GRID2: variants seen among roughly 807,000 people sequenced by gnomAD.
The protein encoded by GRID2 is glutamate ionotropic receptor delta type subunit 2.
A neutral mutation model predicts 114.8 loss-of-function variants in GRID2; 33 were observed. The observed-to-expected ratio is 0.29, with a 90% CI of 0.22 to 0.38. The LOEUF (loss-of-function observed/expected upper bound fraction) is 0.38. Ranked by LOEUF, GRID2 falls within the 10% of genes least tolerant of loss-of-function variation. The probability of loss-of-function intolerance (pLI) is 1.00; values close to 1 mark genes in which losing one functional copy is unlikely to be tolerated. For synonymous variants in GRID2, 505 were observed against 449.9 expected (o/e 1.12, Z -1.55); for missense variants, 1,184 against 1,257.7 (o/e 0.94, Z 0.89).
intron 8 of GRID2, among the ~76,000 whole-genome samples, chr4:93,365,162 G>T (rs1011582035): frequency 6.6e-6 from 1 of 152,048 alleles, no homozygotes; most frequent in African/African-American, 2.4e-5. Context: ...ATTTATGTGA[G>T]GTATGTACTA....
chr4:93,177,106 A>C (rs565836889), intron 4 of GRID2, among the ~76,000 whole-genome samples: 7 of 152,172 alleles, frequency 4.6e-5, no homozygotes, highest in Non-Finnish European at 8.8e-5. Context: ...GTTAGTGTGT[A>C]GTGTGCAAGA....
intron 13 of GRID2, among the ~76,000 whole-genome samples, chr4:93,518,127 A>G (rs1729990484): frequency 6.6e-6 from 1 of 150,880 alleles, no homozygotes; most frequent in Admixed American, 6.6e-5. Context: ...GCCTTCCAGG[A>G]AGGCCTGCAT....
intron 2 of GRID2, among the ~76,000 whole-genome samples, chr4:92,767,356 G>A (rs916848733): frequency 2.0e-5 from 3 of 152,154 alleles, no homozygotes; most frequent in Non-Finnish European, 4.4e-5. Flanking sequence ...CACTGTACTT[G>A]TGTGTCTGTT....
At chr4:92,843,800 G>C (rs1267101658) in intron 2 of GRID2, among the ~76,000 whole-genome samples, 2 of 152,068 alleles carry the variant, frequency 1.3e-5, no homozygotes, top group Non-Finnish European at 2.9e-5. Flanking sequence ...TCAACAAGTA[G>C]TTTAAGTTTT....
intron 10 of GRID2, among the ~76,000 whole-genome samples, chr4:93,448,223 T>G (rs779190743): frequency 6.6e-6 from 1 of 151,950 alleles, no homozygotes; most frequent in Non-Finnish European, 1.5e-5. Context: ...AGATTTTATT[T>G]AAAATTTTCA....
intron 4 of GRID2, among the ~76,000 whole-genome samples, chr4:93,199,086 T>A (rs1741808322): frequency 6.6e-6 from 1 of 152,128 alleles, no homozygotes; most frequent in Non-Finnish European, 1.5e-5. Context: ...GTTACCATAT[T>A]AGCATATGGT....
At chr4:93,151,413 T>C in intron 4 of GRID2, among the ~76,000 whole-genome samples, 1 of 151,838 alleles carries the variant, frequency 6.6e-6, no homozygotes, top group East Asian at 2.0e-4. Flanking sequence ...ATGAAGGCAT[T>C]TAACTTTAAT....
intron 1 of GRID2, among the ~76,000 whole-genome samples, chr4:92,408,328 C>T (rs1285442844): frequency 6.7e-6 from 1 of 149,870 alleles, no homozygotes; most frequent in Non-Finnish European, 1.5e-5. Flanking sequence ...CCATACCATG[C>T]TGTTATGGTT....
chr4:92,767,104 T>C (rs1456624672), intron 2 of GRID2, among the ~76,000 whole-genome samples: 1 of 152,186 alleles, frequency 6.6e-6, no homozygotes, highest in Non-Finnish European at 1.5e-5. Context: ...AATCTCACCC[T>C]TTTAAAGCAC....
chr4:93,328,986 G>A (rs1758150426), intron 8 of GRID2, among the ~76,000 whole-genome samples: 4 of 152,172 alleles, frequency 2.6e-5, no homozygotes, highest in African/African-American at 9.6e-5. Flanking sequence ...TGCAGTTTTA[G>A]TACCTACTAT....
chr4:92,493,127 C>CAAAAAAAA (rs1043809824), intron 1 of GRID2, among the ~76,000 whole-genome samples: 1 of 48,478 alleles, frequency 2.1e-5, no homozygotes. Context: ...GACTCCATCT[C>CAAAAAAAA]AAAAAAAAAA....
chr4:93,406,347 T>C (rs1423095834), intron 9 of GRID2, among the ~76,000 whole-genome samples: 1 of 152,146 alleles, frequency 6.6e-6, no homozygotes, highest in Non-Finnish European at 1.5e-5. Flanking sequence ...AAAGTATGGA[T>C]CCAAAACAGA....
intron 2 of GRID2, among the ~76,000 whole-genome samples, chr4:92,640,596 G>C (rs1292793552): frequency 1.3e-5 from 2 of 151,750 alleles, no homozygotes; most frequent in Non-Finnish European, 2.9e-5. Context: ...CTGATAACTA[G>C]GTAATTAAGT....
chr4:93,212,559 G>A, intron 5 of GRID2, among the ~76,000 whole-genome samples: 1 of 152,082 alleles, frequency 6.6e-6, no homozygotes, highest in East Asian at 1.9e-4. Context: ...ACAAAAGTTA[G>A]AAATTCAGAT....
chr4:93,377,799 T>C (rs1763505675), intron 8 of GRID2, among the ~76,000 whole-genome samples: 1 of 152,098 alleles, frequency 6.6e-6, no homozygotes, highest in Non-Finnish European at 1.5e-5. Flanking sequence ...AGTCTCAAAA[T>C]TGACAGTTTT....
At chr4:93,729,165 G>A (rs1383064805) in intron 14 of GRID2, among the ~76,000 whole-genome samples, 1 of 152,054 alleles carries the variant, frequency 6.6e-6, no homozygotes, top group African/African-American at 2.4e-5. Flanking sequence ...CAAAGTGCTG[G>A]GATTATTCAT....
chr4:92,379,452 T>C (rs1437402362), intron 1 of GRID2, among the ~76,000 whole-genome samples: 2 of 152,052 alleles, frequency 1.3e-5, no homozygotes, highest in Non-Finnish European at 2.9e-5. Flanking sequence ...CTTTCAGCTG[T>C]TGTACATAGA....
At chr4:92,761,350 A>C (rs1446845863) in intron 2 of GRID2, among the ~76,000 whole-genome samples, 3 of 152,136 alleles carry the variant, frequency 2.0e-5, no homozygotes, top group Non-Finnish European at 4.4e-5. Context: ...ATGACCAGCT[A>C]TTTGTACTCT....
intron 4 of GRID2, among the ~76,000 whole-genome samples, chr4:93,146,634 AAAG>A (rs1242276691): frequency 6.6e-6 from 1 of 152,090 alleles, no homozygotes; most frequent in Non-Finnish European, 1.5e-5. Context: ...AGAGAGAAAG[AAAG>A]AAGGAAAGAA....
Sources: allele counts gnomAD v4.1 joint callset (sites outside exome capture counted in the v4.1 genomes callset), GRCh38; gene constraint gnomAD v4.1.1; transcripts MANE v1.5; gene names NCBI Gene and HGNC (gene_info 2026-07-23, HGNC 2026-07-21).